PKP2: variants seen among roughly 807,000 people sequenced by gnomAD.
PKP2 encodes the protein plakophilin 2.
Under a neutral mutation model 83.4 loss-of-function variants are expected in PKP2, and 73 were observed. That is an observed-to-expected ratio of 0.88 (90% CI 0.72 to 1.06). The LOEUF is 1.06. Ranked by LOEUF, PKP2 falls within the 50% of genes least tolerant of loss-of-function variation. PKP2 has a pLI of 0.00. For synonymous variants in PKP2, 409 were observed against 430.4 expected (o/e 0.95, Z 0.62); for missense variants, 966 against 1,065.4 (o/e 0.91, Z 1.30).
rs934006837 is a variant in PKP2, at chr12:32,853,083, CA to C, written c.1171-2111del. ...CGGGCAACAGTGTGAGACTCCATCT[CA>C]AAAAAAATATTTCTTAGCTGTCAAG... On this transcript the variant is annotated intron_variant, in intron 4 of 12. Transcript: ENST00000340811. 2.0e-5 allele frequency among the ~76,000 whole-genome samples: 3 copies of C among 151,584 alleles called. No individual in the cohort carries two copies. The East Asian group carries it at 5.8e-4, about 29-fold the overall frequency.
intron 6 of PKP2, among the ~76,000 whole-genome samples, chr12:32,834,073 T>G (rs1366132347): frequency 6.6e-6 from 1 of 152,162 alleles, no homozygotes; most frequent in African/African-American, 2.4e-5. Flanking sequence ...CTTTAACAGC[T>G]CTTTAAGTTT....
rs1450571770 is a variant in PKP2, at chr12:32,851,625, C to A, written c.1171-652G>T. ...CTGGGACTACAGGCGCCCGCCACCA[C>A]GCCCAGCTAATTTTTTGTATTTTTA... On this transcript the variant is annotated intron_variant, in intron 4 of 12. Coordinates refer to ENST00000340811, the MANE Select transcript of PKP2 (RefSeq NM_001005242.3). Among the ~76,000 whole-genome samples the A allele has an allele frequency of 4.6e-5, 7 of 152,172 alleles. No individual in the cohort carries two copies. In the South Asian group the frequency reaches 1.5e-3, roughly 32 times the overall value.
At chr12:32,870,713 C>T (rs1956888641) in intron 3 of PKP2, among the ~76,000 whole-genome samples, 1 of 152,094 alleles carries the variant, frequency 6.6e-6, no homozygotes, top group Non-Finnish European at 1.5e-5. Flanking sequence ...CTTTGCCAGC[C>T]ATCACGGTTG....
chr12:32,847,501 A>G (rs1956657419), intron 5 of PKP2, among the ~76,000 whole-genome samples: 1 of 152,172 alleles, frequency 6.6e-6, no homozygotes, highest in African/African-American at 2.4e-5. Context: ...GAGAAGAGGA[A>G]GCGTGATTCA....
chr12:32,824,457 G>C (rs544176055), intron 6 of PKP2: 1 of 384,646 alleles, frequency 2.6e-6, no homozygotes, highest in Non-Finnish European at 4.9e-6. Context: ...GTGTGGATAT[G>C]AGGCAAATGT....
chr12:32,856,639 A>G (rs1956751746), intron 4 of PKP2, among the ~76,000 whole-genome samples: 1 of 152,060 alleles, frequency 6.6e-6, no homozygotes, highest in Non-Finnish European at 1.5e-5. Flanking sequence ...GCATTAGGAG[A>G]TATACCTAAT....
At chr12:32,821,209 A>G in intron 9 of PKP2, 147 bp downstream of exon 9, 1 of 745,778 alleles carries the variant, frequency 1.3e-6, no homozygotes, top group South Asian at 1.6e-5. Context: ...ATAAGCTGAG[A>G]CCGAAGCCCT....
At chr12:32,840,959 C>G (rs1173034944) in intron 6 of PKP2, 69 bp downstream of exon 6, 1 of 1,128,688 alleles carries the variant, frequency 8.9e-7, no homozygotes, top group East Asian at 2.3e-5. Flanking sequence ...CAGAATATAT[C>G]CTGACTTCCT....
At chr12:32,888,841 C>T (rs376485148) in intron 1 of PKP2, among the ~76,000 whole-genome samples, 2 of 146,770 alleles carry the variant, frequency 1.4e-5, no homozygotes, top group Admixed American at 6.9e-5. Context: ...CCCAGGCTGG[C>T]GTGCAGTGGT....
At chr12:32,841,319 G>C (rs1282579355) in intron 5 of PKP2, 114 bp from the exon 6 acceptor site, 2 of 795,426 alleles carry the variant, frequency 2.5e-6, no homozygotes, top group Non-Finnish European at 4.3e-6. Context: ...AAAAAAATTT[G>C]GGGGGTTGGG....
intron 3 of PKP2, among the ~76,000 whole-genome samples, chr12:32,869,922 G>T (rs1956882622): frequency 6.6e-6 from 1 of 152,024 alleles, no homozygotes; most frequent in African/African-American, 2.4e-5. Context: ...CCAGCTACTT[G>T]GAAGGCTGAG....
At chr12:32,882,195 T>G (rs1956992475) in intron 1 of PKP2, among the ~76,000 whole-genome samples, 1 of 152,240 alleles carries the variant, frequency 6.6e-6, no homozygotes, top group African/African-American at 2.4e-5. Flanking sequence ...GGGCTATCCA[T>G]GTTCAAACCT....
At chr12:32,846,161 CT>C (rs1161331266) in intron 5 of PKP2, among the ~76,000 whole-genome samples, 2 of 152,168 alleles carry the variant, frequency 1.3e-5, no homozygotes, top group Non-Finnish European at 2.9e-5. Context: ...CTGCTGCACT[CT>C]TATCATGACT....
intron 9 of PKP2, among the ~76,000 whole-genome samples, chr12:32,815,517 T>C (rs1956312562): frequency 6.6e-6 from 1 of 152,196 alleles, no homozygotes; most frequent in Non-Finnish European, 1.5e-5. Context: ...ACCTGAATTG[T>C]ACAAATAATA....
chr12:32,839,002 C>T (rs1383858014), intron 6 of PKP2, among the ~76,000 whole-genome samples: 1 of 152,028 alleles, frequency 6.6e-6, no homozygotes, highest in African/African-American at 2.4e-5. Flanking sequence ...AAATGTTTAC[C>T]AGGCAAATAA....
At position 32,802,533 on chromosome 12, in the gene PKP2, T is replaced by A. The variant is rs377504106; in HGVS notation, c.2037A>T (p.Thr679=). 4 of 1,614,010 alleles carry A rather than the reference T, an allele frequency of 2.5e-6. No homozygotes were observed. The African/African-American group carries it at 5.3e-5, about 22-fold the overall frequency. ...SGPMPTSVAQ[T]VVQKESGLQH... ...GCAGGCCACTTTCCTTCTGGACAACTGTCTGAGCCACTGATGTCGGCATCT... is the reference window on the plus strand; with the variant it reads ...GCAGGCCACTTTCCTTCTGGACAACAGTCTGAGCCACTGATGTCGGCATCT... Residue 679 remains threonine, a synonymous_variant, in exon 10 of 13, where the codon ACA becomes ACT. Coordinates refer to ENST00000340811, the MANE Select transcript of PKP2 (RefSeq NM_001005242.3).
At chr12:32,863,456 A>G (rs1956819540) in intron 4 of PKP2, 1 of 202,500 alleles carries the variant, frequency 4.9e-6, no homozygotes, top group Admixed American at 5.8e-5. Context: ...ACAATAATAA[A>G]TAAAAGTGGA....
At chr12:32,825,366 A>T (rs1366566816) in intron 6 of PKP2, among the ~76,000 whole-genome samples, 3 of 151,834 alleles carry the variant, frequency 2.0e-5, no homozygotes, top group African/African-American at 7.3e-5. Context: ...ACGGGGTTTC[A>T]CCATGTTGGT....
chr12:32,868,178 G>C (rs1376035177), intron 4 of PKP2, among the ~76,000 whole-genome samples: 2 of 152,158 alleles, frequency 1.3e-5, no homozygotes, highest in Admixed American at 6.5e-5. Context: ...ATGAGTGGCT[G>C]TTTTCTTTTA....
Sources: gnomAD v4.1 joint callset for allele counts (sites outside exome capture counted in the v4.1 genomes callset) on GRCh38, gnomAD v4.1.1 for gene constraint, MANE v1.5 for transcripts, NCBI Gene and HGNC (gene_info 2026-07-23, HGNC 2026-07-21) for gene names.